ABL2: variants seen among roughly 807,000 people sequenced by gnomAD.
The protein encoded by ABL2 is tyrosine-protein kinase ABL2.
In ABL2, 49 loss-of-function variants were observed where a neutral mutation model predicts 107.7. The observed-to-expected ratio is 0.45, with a 90% CI of 0.36 to 0.58. The LOEUF (loss-of-function observed/expected upper bound fraction) is 0.58. Among genes scored for constraint, ABL2 ranks in the 20% least tolerant of loss-of-function variants. ABL2 has a pLI of 0.00. For missense variants in ABL2, 1,245 were observed against 1,457.0 expected (o/e 0.85, Z 2.37); for synonymous variants, 549 against 548.6 (o/e 1.00, Z -0.01).
At chr1:179,173,412 G>T (rs554920158) in intron 1 of ABL2, among the ~76,000 whole-genome samples, 1 of 140,810 alleles carries the variant, frequency 7.1e-6, no homozygotes, top group Non-Finnish European at 1.5e-5. Flanking sequence ...CACCAGGCTG[G>T]AGTGCAATGG....
chr1:179,226,995 T>C (rs1348391035), intron 1 of ABL2, among the ~76,000 whole-genome samples: 1 of 152,182 alleles, frequency 6.6e-6, no homozygotes, highest in Non-Finnish European at 1.5e-5. Context: ...CCCTTGTTTG[T>C]TGAATGAATG....
Position 179,109,262 on chromosome 1 carries a change from T to C in ABL2, c.2005A>G (p.Ser669Gly). 6.2e-7 allele frequency: 1 copy of C among 1,614,104 alleles called. No individual in the cohort carries two copies. Among genetic ancestry groups the C allele is most frequent in the Non-Finnish European group, 8.5e-7 (1 of 1,180,016 alleles). The change falls in exon 12 of 12, where the codon AGC becomes GGC. Residue 669 changes from serine to glycine, a missense_variant. Transcript: ENST00000502732. ...KRNAPTPPKR[S>G]SSFREMENQP... is the part of the protein sequence containing the mutation. ...TTCTCCATTTCTCGGAAGGAGCTGC[T>C]GCGTTTGGGGGGTGTAGGAGCATTT...
chr1:179,113,123 A>G lies in ABL2; in HGVS notation c.1562-725T>C, dbSNP rs140837530. Among the ~76,000 whole-genome samples, 831 of 152,248 alleles carry G rather than the reference A, an allele frequency of 5.5e-3. 8 individuals are homozygous for G. The highest frequency in any genetic ancestry group is 0.019 in the African/African-American group (783 of 41,556). On this transcript the variant is annotated intron_variant, in intron 9 of 11. Transcript: ENST00000502732. Reference sequence around the variant, plus strand: ...TAGATGGGATTTTGCCACATTGCTCAGGTTGCTTTTGAACTCCTGAGCTCA... The same window carrying G: ...TAGATGGGATTTTGCCACATTGCTCGGGTTGCTTTTGAACTCCTGAGCTCA...
intron 6 of ABL2, 69 bp from the exon 7 acceptor site, chr1:179,118,833 G>C: frequency 2.7e-6 from 4 of 1,506,168 alleles, no homozygotes; most frequent in Non-Finnish European, 3.6e-6. Flanking sequence ...CTTTGGCCAA[G>C]AATAATTTGA....
chr1:179,176,947 C>A (rs535463104), intron 1 of ABL2, among the ~76,000 whole-genome samples: 1 of 152,126 alleles, frequency 6.6e-6, no homozygotes, highest in South Asian at 2.1e-4. Flanking sequence ...CTGCCCACCT[C>A]GGCCTCCCAA....
intron 1 of ABL2, chr1:179,142,967 A>G: frequency 6.2e-7 from 1 of 1,614,220 alleles, no homozygotes; most frequent in Non-Finnish European, 8.5e-7. Flanking sequence ...CTGAGGCCTC[A>G]GTGCACAGGC....
At chr1:179,174,282 T>C (rs1163127690) in intron 1 of ABL2, among the ~76,000 whole-genome samples, 1 of 150,146 alleles carries the variant, frequency 6.7e-6, no homozygotes, top group Admixed American at 6.7e-5. Context: ...AGCAAGACTC[T>C]GTCTCCAATA....
In ABL2 at chr1:179,229,548, C is replaced by T; in HGVS notation, c.-151G>A. The T allele has an allele frequency of 1.3e-6, 1 of 743,484 alleles. No individual in the cohort carries two copies. Among genetic ancestry groups the T allele is most frequent in the Non-Finnish European group, 2.0e-6 (1 of 510,988 alleles). 46.1% of individuals were successfully genotyped at this position (743,484 alleles called of 1,614,324 possible). ...GGGCCACCGGCGGCTCCGCACCCGG[C>T]CTCCTCACGGCAGCCGCCGCGCTGC... On this transcript the variant is annotated 5_prime_UTR_variant, in exon 1 of 12. Coordinates refer to ENST00000502732, the MANE Select transcript of ABL2 (RefSeq NM_007314.4).
chr1:179,217,846 T>TA (rs1285741571), intron 1 of ABL2, among the ~76,000 whole-genome samples: 12 of 151,994 alleles, frequency 7.9e-5, no homozygotes, highest in African/African-American at 2.7e-4. Flanking sequence ...ACAGATGGGG[T>TA]AAAAAATACC....
intron 1 of ABL2, among the ~76,000 whole-genome samples, chr1:179,228,050 CAAA>C (rs34070201): frequency 1.9e-4 from 12 of 63,366 alleles, no homozygotes; most frequent in Admixed American, 4.3e-4. Flanking sequence ...ACTCCGTCTC[CAAA>C]AAAAAAAAAA....
At position 179,108,913 on chromosome 1, in the gene ABL2, G is replaced by A. The variant is rs2102578402; in HGVS notation, c.2354C>T (p.Ser785Phe). The stretch of plus-strand genomic sequence containing the variant: ...CTCTGGAAGCCCTGAGGACATGGAA[G>A]ATGTAGAGTTTGACCTTGGAAAAGG... ...SKPFPRSNST[S>F]SMSSGLPEQD... Residue 785 changes from serine to phenylalanine, a missense_variant, in exon 12 of 12, where the codon TCT (serine) becomes TTT (phenylalanine). Physicochemically the swap from Ser to Phe is radical, Grantham distance 155 (BLOSUM62 -2). Around this residue, in one of 3 missense-constraint regions of ABL2, gnomAD observed 761 missense variants for 766.4 expected, o/e 0.99. Coordinates refer to ENST00000502732, the MANE Select transcript of ABL2 (RefSeq NM_007314.4). 6.2e-7 allele frequency: 1 copy of A among 1,614,200 alleles called. No individual in the cohort carries two copies. The highest frequency in any genetic ancestry group is 1.3e-5 in the African/African-American group (1 of 75,032).
chr1:179,106,845 TCAA>T lies in ABL2; in HGVS notation c.*870_*872del, dbSNP rs1653500158. The T allele has an allele frequency of 4.3e-6, 1 of 231,224 alleles. No individual in the cohort carries two copies. Among genetic ancestry groups the T allele is most frequent in the African/African-American group, 2.2e-5 (1 of 45,212 alleles). The allele number at this position is 231,224 out of a possible 1,614,324, so 14.3% of individuals were successfully genotyped here. A position where few individuals can be genotyped will look rare whatever the true frequency, so the allele number is the denominator to read the frequency against. ...CCTGTAGGGACTACTATTTTCAAAA[TCAA>T]CACTGGTTAATGCTCTGAATGCTAC... is the stretch of plus-strand genomic sequence containing the variant. On this transcript the variant is annotated 3_prime_UTR_variant, in exon 12 of 12. Coordinates refer to ENST00000502732, the MANE Select transcript of ABL2 (RefSeq NM_007314.4).
intron 1 of ABL2, among the ~76,000 whole-genome samples, chr1:179,154,452 ACT>A (rs1230292092): frequency 2.6e-5 from 4 of 152,102 alleles, no homozygotes; most frequent in Non-Finnish European, 4.4e-5. Context: ...ATATTCGGAA[ACT>A]CTGACTGAGC....
chr1:179,114,249 A>G (rs1448691430), intron 9 of ABL2, among the ~76,000 whole-genome samples: 1 of 149,866 alleles, frequency 6.7e-6, no homozygotes, highest in African/African-American at 2.4e-5. Context: ...GTCCGTCTCA[A>G]AAAAAAAAAA....
chr1:179,135,830 G>A (rs1335275601), intron 1 of ABL2, among the ~76,000 whole-genome samples: 2 of 144,208 alleles, frequency 1.4e-5, no homozygotes, highest in African/African-American at 2.6e-5. Context: ...GAGGGAGGTG[G>A]GGGGGTCAGC....
intron 1 of ABL2, among the ~76,000 whole-genome samples, chr1:179,151,535 T>G (rs1454058954): frequency 6.6e-6 from 1 of 152,188 alleles, no homozygotes; most frequent in East Asian, 1.9e-4. Context: ...ATGCTTCCAA[T>G]GAAGTCAGCA....
At chr1:179,136,240 T>A (rs1386069278) in intron 1 of ABL2, among the ~76,000 whole-genome samples, 1 of 151,712 alleles carries the variant, frequency 6.6e-6, no homozygotes, top group South Asian at 2.1e-4. Context: ...TGGGCCATGA[T>A]GACAATGGCG....
intron 1 of ABL2, among the ~76,000 whole-genome samples, chr1:179,162,015 C>A (rs980795301): frequency 6.6e-6 from 1 of 152,162 alleles, no homozygotes; most frequent in African/African-American, 2.4e-5. Context: ...GCCCGTTGAT[C>A]TTGGACCTCC....
chr1:179,197,591 G>A lies in ABL2; in HGVS notation c.157+31650C>T, dbSNP rs1051340062. ...AAAAAAAAATTAAAAAAAAAAGGCC[G>A]GGTGAGGTGGCTCACGCCTGTAATC... On this transcript the variant is annotated intron_variant, in intron 1 of 11. Transcript: ENST00000502732. Among the ~76,000 whole-genome samples, 8 of 151,192 alleles carry A rather than the reference G, an allele frequency of 5.3e-5. No individual in the cohort carries two copies. In the East Asian group the frequency reaches 7.8e-4, roughly 15 times the overall value.
Sources: allele counts gnomAD v4.1 joint callset (sites outside exome capture counted in the v4.1 genomes callset), GRCh38; gene constraint gnomAD v4.1.1; regional missense constraint gnomAD v4.1.1; transcripts MANE v1.5; gene names NCBI Gene and HGNC (gene_info 2026-07-23, HGNC 2026-07-21).